Variants in GREP1 observed in about 807,000 individuals in gnomAD.
The protein encoded by GREP1 is glycine rich extracellular protein 1.
At chr16:2,995,284 G>T (rs1204430825) in exon 14 of GREP1, 6 of 398,860 alleles carry the variant, frequency 1.5e-5, no homozygotes, top group Non-Finnish European at 2.7e-5. Flanking sequence ...TTTCCCAAAG[G>T]CTTTAGAGGG....
intron 6 of GREP1, 51 bp from the exon 6 acceptor site, chr16:2,990,501 A>T (rs2072393098): frequency 2.5e-6 from 1 of 399,326 alleles, no homozygotes; most frequent in Admixed American, 4.4e-5. Context: ...AGGCTCGCCC[A>T]GCCCCTGCCT....
rs560795050 is a variant in GREP1 at position 2,996,438 on chromosome 16, C to A, written c.677-58C>A. 4.3e-4 allele frequency: 171 copies of A among 398,760 alleles called. No individual in the cohort carries two copies. The East Asian group carries it at 6.1e-3, about 14-fold the overall frequency. 24.7% of individuals were successfully genotyped at this position (398,760 alleles called of 1,614,324 possible). On this transcript the variant is annotated intron_variant, in intron 18 of 34. Transcript: ENST00000573315. ...CCCCGCCCTGTCTCTAGGGCTGCGT[C>A]CTCCTGACACCCCCTCCGAATGCCG...
In GREP1 at chr16:2,991,004, G is replaced by A. The variant is rs1596461304; in HGVS notation, c.269-44G>A. The A allele has an allele frequency of 1.0e-5, 4 of 399,070 alleles. No individual in the cohort carries two copies. The highest frequency in any genetic ancestry group is 4.4e-5 in the Admixed American group (1 of 22,718). 24.7% of individuals were successfully genotyped at this position (399,070 alleles called of 1,614,324 possible). On this transcript the variant is annotated intron_variant, in intron 7 of 34. Coordinates refer to ENST00000573315, the Ensembl canonical transcript of GREP1. This position sits in a 1 kb window ranked among gnomAD's most constrained non-coding sequence, Gnocchi z 4.9. ...CCCTCTGTCTCTGTCTCTGCTTGAC[G>A]CCCCATTCCCCCTCCTCATGTCCCT...
In GREP1 at chr16:2,989,025, G is replaced by A. The variant is rs1246612910; in HGVS notation, c.100+403G>A. 2 of 251,782 alleles carry A rather than the reference G, an allele frequency of 7.9e-6. No homozygotes were observed. The highest frequency in any genetic ancestry group is 5.6e-5 in the Admixed American group (1 of 18,016). The allele number at this position is 251,782 out of a possible 1,614,324, so 15.6% of individuals were successfully genotyped here. Reference sequence around the variant, plus strand: ...CTTCAGGGACCTGGGGGGTCCTAAGGGTAGAAGGAGGGGCTGCCCCTGAGC... The same window carrying A: ...CTTCAGGGACCTGGGGGGTCCTAAGAGTAGAAGGAGGGGCTGCCCCTGAGC... On this transcript the variant is annotated intron_variant, in intron 2 of 34. Coordinates refer to ENST00000573315, the Ensembl canonical transcript of GREP1. The surrounding 1 kb of genome is among the most constrained non-coding windows in gnomAD (Gnocchi z 4.2).
chr16:2,990,316 C>G (rs2072391974), intron 5 of GREP1, 194 bp downstream of exon 5: 5 of 398,180 alleles, frequency 1.3e-5, no homozygotes, highest in Non-Finnish European at 2.2e-5. Flanking sequence ...TCACCTCTCT[C>G]TCTCCCACGA....
At chr16:2,997,704 G>A (rs904741813) in intron 22 of GREP1, 99 bp from the exon 21 acceptor site, 10 of 398,510 alleles carry the variant, frequency 2.5e-5, no homozygotes, top group African/African-American at 1.6e-4. Context: ...AGGAAGGGGA[G>A]GTTGGCATGG....
At position 2,992,049 on chromosome 16, in the gene GREP1, T is replaced by G. The variant is rs1297977469; in HGVS notation, c.323-756T>G. 1 of 152,622 alleles carries G rather than the reference T, an allele frequency of 6.6e-6. No individual in the cohort carries two copies. The highest frequency in any genetic ancestry group is 1.5e-5 in the Non-Finnish European group (1 of 68,418). The allele number at this position is 152,622 out of a possible 1,614,324, so 9.5% of individuals were successfully genotyped here. ...CCTGCCCTTTCCTGTGTCCCTGTCCTCCACTCCCCACATACACACATCCGG... is the reference window on the plus strand; with the variant it reads ...CCTGCCCTTTCCTGTGTCCCTGTCCGCCACTCCCCACATACACACATCCGG... On this transcript the variant is annotated intron_variant, in intron 8 of 34. Transcript: ENST00000573315. The surrounding 1 kb of genome is among the most constrained non-coding windows in gnomAD (Gnocchi z 4.9).
Position 2,994,736 on chromosome 16 carries a change from G to A in GREP1, c.415+9G>A, listed in dbSNP as rs766536014. 2.3e-5 allele frequency: 9 copies of A among 399,074 alleles called. No individual in the cohort carries two copies. Among genetic ancestry groups the A allele is most frequent in the African/African-American group, 4.1e-5 (2 of 48,728 alleles). 24.7% of individuals were successfully genotyped at this position (399,074 alleles called of 1,614,324 possible). A position where few individuals can be genotyped will look rare whatever the true frequency, so the allele number is the denominator to read the frequency against. On this transcript the variant is annotated intron_variant, in intron 11 of 34. Transcript: ENST00000573315. ...AAATGGCTATAGACCAGGTAGGGGC[G>A]GGGCTGGGGTTTGGGGAGGCCCAGA... is the stretch of plus-strand genomic sequence containing the variant.
chr16:2,996,945 G>A, exon 21 of GREP1: 1 of 399,230 alleles, frequency 2.5e-6, no homozygotes, highest in Non-Finnish European at 4.4e-6. Flanking sequence ...TGCCCCACAG[G>A]CCTGGGAGCT....
In GREP1 at chr16:2,992,462, G is replaced by A. The variant is rs1367288710; in HGVS notation, c.323-343G>A. 2 of 196,624 alleles carry A rather than the reference G, an allele frequency of 1.0e-5. No homozygotes were observed. The highest frequency in any genetic ancestry group is 2.0e-5 in the Non-Finnish European group (2 of 97,918). The allele number at this position is 196,624 out of a possible 1,614,324, so 12.2% of individuals were successfully genotyped here. A position where few individuals can be genotyped will look rare whatever the true frequency, so the allele number is the denominator to read the frequency against. ...AGGTCGGGGCCGAAGGGGCTGGGGT[G>A]GCTGGGGGAGAGGTCAGGGGCCCAG... On this transcript the variant is annotated intron_variant, in intron 8 of 34. Coordinates refer to ENST00000573315, the Ensembl canonical transcript of GREP1. The surrounding 1 kb of genome is among the most constrained non-coding windows in gnomAD (Gnocchi z 4.9).
intron 25 of GREP1, 143 bp downstream of exon 23, chr16:2,998,666 C>A: frequency 2.5e-6 from 1 of 398,192 alleles, no homozygotes; most frequent in Non-Finnish European, 4.4e-6. Context: ...CAGGTCCCCC[C>A]AGGAGAGTGT....
At chr16:2,994,338 T>C (rs2151097817) in intron 10 of GREP1, 1 of 159,940 alleles carries the variant, frequency 6.3e-6, no homozygotes, top group African/African-American at 2.4e-5. Flanking sequence ...TGAAACTCCG[T>C]CTCTACTAAA....
chr16:2,988,401 G>T, intron 1 of GREP1, 61 bp downstream of exon 1: 1 of 399,236 alleles, frequency 2.5e-6, no homozygotes, highest in East Asian at 3.6e-5. Context: ...GGGGCTGGGG[G>T]TCCAAGTGGG....
In GREP1 at chr16:3,001,248, C is replaced by T. The variant is rs139335470; in HGVS notation, c.1532-33C>T. Reference sequence around the variant, plus strand: ...GGTGGACGGAAGCTCTCTGGTGACCCGAGTGCTCCTGGTCTGTCTGTCTGT... The same window carrying T: ...GGTGGACGGAAGCTCTCTGGTGACCTGAGTGCTCCTGGTCTGTCTGTCTGT... On this transcript the variant is annotated intron_variant, in intron 33 of 34. Coordinates refer to ENST00000573315, the Ensembl canonical transcript of GREP1. The T allele has an allele frequency of 1.3e-3, 507 of 399,118 alleles. 4 individuals are homozygous for T. In the East Asian group the frequency reaches 0.017, roughly 13 times the overall value. The allele number at this position is 399,118 out of a possible 1,614,324, so 24.7% of individuals were successfully genotyped here.
chr16:3,000,238 C>A (rs535767171), intron 29 of GREP1, 120 bp downstream of exon 26: 23 of 399,372 alleles, frequency 5.8e-5, no homozygotes, highest in Non-Finnish European at 9.3e-5. Context: ...CCTCCTGATG[C>A]TGTCCCTGTT....
chr16:2,989,530 C>A lies in GREP1; in HGVS notation c.108C>A (p.Gly36=). ...ATCTCACTTCTCCCACAGTCTATGGCCCCCACAGTGGCCTGGGAGCAGGTG... is the reference window on the plus strand; with the variant it reads ...ATCTCACTTCTCCCACAGTCTATGGACCCCACAGTGGCCTGGGAGCAGGTG... Residue 36 remains glycine (G), a synonymous_variant, in exon 3 of 35, where the codon GGC becomes GGA. Coordinates refer to ENST00000573315, the Ensembl canonical transcript of GREP1. This position sits in a 1 kb window ranked among gnomAD's most constrained non-coding sequence, Gnocchi z 4.2. 2.5e-6 allele frequency: 1 copy of A among 399,446 alleles called. No individual in the cohort carries two copies. The highest frequency in any genetic ancestry group is 4.4e-6 in the Non-Finnish European group (1 of 226,378). The allele number at this position is 399,446 out of a possible 1,614,324, so 24.7% of individuals were successfully genotyped here.
At chr16:2,990,305 C>G (rs973605306) in intron 5 of GREP1, 183 bp downstream of exon 5, 5 of 398,046 alleles carry the variant, frequency 1.3e-5, no homozygotes, top group African/African-American at 1.0e-4. Context: ...ACCTCCTCAG[C>G]TCACCTCTCT....
In GREP1 at chr16:2,996,638, G is replaced by C. The variant is rs150294047; in HGVS notation, c.713-35G>C. 2,570 of 399,152 alleles carry C rather than the reference G, an allele frequency of 6.4e-3. 24 individuals are homozygous for C. Among genetic ancestry groups the C allele is most frequent in the South Asian group, 0.012 (96 of 7,860 alleles). 24.7% of individuals were successfully genotyped at this position (399,152 alleles called of 1,614,324 possible). ...TGGGGTCTGGGGATCAGCAGCACTG[G>C]CTGGAGTTGATGTCAGCCTCTCTGT... On this transcript the variant is annotated intron_variant, in intron 19 of 34. Coordinates refer to ENST00000573315, the Ensembl canonical transcript of GREP1.
Position 3,000,291 on chromosome 16 carries a change from G to C in GREP1, c.1265-1G>C, listed in dbSNP as rs2072453186. The C allele has an allele frequency of 5.0e-6, 2 of 399,274 alleles. No homozygotes were observed. The highest frequency in any genetic ancestry group is 8.8e-6 in the Non-Finnish European group (2 of 226,308). 24.7% of individuals were successfully genotyped at this position (399,274 alleles called of 1,614,324 possible). A position where few individuals can be genotyped will look rare whatever the true frequency, so the allele number is the denominator to read the frequency against. On this transcript the variant is annotated splice_acceptor_variant, in intron 29 of 34. Coordinates refer to ENST00000573315, the Ensembl canonical transcript of GREP1. LOFTEE classifies it high-confidence loss of function. ...GCTCCTCTCCAATCTCTGTCCTGCAGGTTTAGGTTATGGGAATGGTGTCCT... is the reference window on the plus strand; with the variant it reads ...GCTCCTCTCCAATCTCTGTCCTGCACGTTTAGGTTATGGGAATGGTGTCCT...
Sources: gnomAD v4.1 joint callset for allele counts on GRCh38, gnomAD v4.1.1 for gene constraint, Gnocchi (gnomAD v3.1) non-coding constraint, MANE v1.5 for transcripts, NCBI Gene and HGNC (gene_info 2026-07-23, HGNC 2026-07-21) for gene names.